Variants in LCTL observed in about 807,000 individuals in gnomAD.
The protein encoded by LCTL is lactase-like protein.
In LCTL, 76 loss-of-function variants were observed where a neutral mutation model predicts 75.8. That is an observed-to-expected ratio of 1.00 (90% confidence interval 0.83 to 1.21). The LOEUF is 1.21. LCTL is among the 50% of genes most tolerant of loss of function. The pLI is 0.00. For missense variants in LCTL, 670 were observed against 712.4 expected (o/e 0.94, Z 0.68); for synonymous variants, 271 against 268.8 (o/e 1.01, Z -0.08).
intron 10 of LCTL, 61 bp from the exon 12 acceptor site, chr15:66,551,922 AGAT>A: frequency 1.3e-6 from 2 of 1,528,226 alleles, no homozygotes; most frequent in Non-Finnish European, 1.8e-6. Flanking sequence ...ATAAAACTGA[AGAT>A]AATGTTAAAA....
intron 6 of LCTL, among the ~76,000 whole-genome samples, chr15:66,559,775 C>G (rs1401034580): frequency 6.6e-6 from 1 of 152,170 alleles, no homozygotes; most frequent in Non-Finnish European, 1.5e-5. Flanking sequence ...CAGAAAATGA[C>G]TTCCATGTTT....
rs961383230 is a variant in LCTL at position 66,551,573 on chromosome 15, A to C, written c.1524+89T>G. ...CCCCGTCCTCTTTCATGGAGGAAAG[A>C]GAAGAGAAACTTGCCAAGTTCTTTG... is the stretch of plus-strand genomic sequence containing the variant. On this transcript the variant is annotated intron_variant, in intron 11 of 12. Coordinates refer to ENST00000341509, the Ensembl canonical transcript of LCTL. 49 of 1,029,138 alleles carry C rather than the reference A, an allele frequency of 4.8e-5. No individual in the cohort carries two copies. The East Asian group carries it at 1.2e-3, about 24-fold the overall frequency. 63.8% of individuals were successfully genotyped at this position (1,029,138 alleles called of 1,614,324 possible). A position where few individuals can be genotyped will look rare whatever the true frequency, so the allele number is the denominator to read the frequency against.
intron 11 of LCTL, among the ~76,000 whole-genome samples, chr15:66,550,460 T>A (rs1039649545): frequency 1.4e-4 from 21 of 152,278 alleles, no homozygotes; most frequent in African/African-American, 5.1e-4. Flanking sequence ...CTTTTTAAAA[T>A]TATTTTTATT....
rs1225133092 is a variant in LCTL at position 66,548,573 on chromosome 15, C to A, written c.1621G>T (p.Glu541Ter). ...GAGCAGACAGTGGGTACCACGATCTCCGTAACCATTTGCATGTGACTTAGC... is the reference window on the plus strand; with the variant it reads ...GAGCAGACAGTGGGTACCACGATCTACGTAACCATTTGCATGTGACTTAGC... The change falls in exon 13 of 13, where the codon GAG becomes TAG. Residue 541 changes from glutamate to a stop codon, truncating the protein, a stop_gained. Transcript: ENST00000341509. LOFTEE classifies it low-confidence loss of function (END_TRUNC). 2 of 1,612,408 alleles carry A rather than the reference C, an allele frequency of 1.2e-6. No homozygotes were observed. Among genetic ancestry groups the A allele is most frequent in the South Asian group, 2.2e-5 (2 of 91,018 alleles).
exon 2 of LCTL, chr15:66,564,710 G>A (rs771200372): frequency 1.2e-6 from 2 of 1,613,232 alleles, no homozygotes; most frequent in Non-Finnish European, 1.7e-6. Flanking sequence ...GGCTACATCT[G>A]CCGTCTCATT....
intron 12 of LCTL, 106 bp from the exon 14 acceptor site, chr15:66,548,711 G>A: frequency 2.0e-6 from 1 of 495,128 alleles, no homozygotes; most frequent in East Asian, 3.0e-5. Flanking sequence ...TTAAAAAATA[G>A]CATCCTCAAA....
chr15:66,564,133 G>A (rs1895962678), intron 2 of LCTL, 135 bp from the exon 4 acceptor site: 3 of 661,210 alleles, frequency 4.5e-6, no homozygotes, highest in East Asian at 2.7e-5. Context: ...TTCCTCACCT[G>A]TACAACAGAG....
intron 4 of LCTL, among the ~76,000 whole-genome samples, chr15:66,561,584 C>T (rs955144146): frequency 7.2e-5 from 11 of 152,162 alleles, no homozygotes; most frequent in Admixed American, 3.9e-4. Context: ...ATTTTGAGGG[C>T]CACACAGATG....
At position 66,564,671 on chromosome 15, in the gene LCTL, C is replaced by A. The variant is rs753732906; in HGVS notation, c.282+5G>T. ...CACACACACACACTCACACCCCGCA[C>A]TCACCTGGACCTTGTAGTAGCCGTC... On this transcript the variant is annotated splice_donor_5th_base_variant and intron_variant, in intron 2 of 12. Coordinates refer to ENST00000341509, the Ensembl canonical transcript of LCTL. The A allele has an allele frequency of 3.1e-6, 5 of 1,610,978 alleles. No homozygotes were observed. Among genetic ancestry groups the A allele is most frequent in the Non-Finnish European group, 4.2e-6 (5 of 1,179,824 alleles).
At chr15:66,557,059 A>G (rs1895757826) in intron 8 of LCTL, among the ~76,000 whole-genome samples, 1 of 152,086 alleles carries the variant, frequency 6.6e-6, no homozygotes. Context: ...TGCTGCAGTC[A>G]TCTTGTGGCC....
At chr15:66,563,624 G>A (rs199913419) in exon 4 of LCTL, 60 of 1,594,144 alleles carry the variant, frequency 3.8e-5, no homozygotes, top group East Asian at 4.5e-5. Context: ...TCACCTGCTC[G>A]GCTGCAGGTG....
At chr15:66,551,467 T>C (rs1043070687) in intron 11 of LCTL, among the ~76,000 whole-genome samples, 195 bp downstream of exon 12, 4 of 152,062 alleles carry the variant, frequency 2.6e-5, no homozygotes, top group Non-Finnish European at 5.9e-5. Context: ...CCTCTGGTAG[T>C]GCCCTTAGAT....
chr15:66,549,833 G>A (rs1895531502), intron 12 of LCTL: 2 of 412,068 alleles, frequency 4.9e-6, no homozygotes, highest in Non-Finnish European at 8.7e-6. Context: ...GGATAAAATG[G>A]ATAAAATGTT....
intron 2 of LCTL, 84 bp downstream of exon 3, chr15:66,564,592 G>A (rs369170524): frequency 3.3e-5 from 48 of 1,466,312 alleles, no homozygotes; most frequent in South Asian, 7.7e-5. Flanking sequence ...TCCCCCAAAC[G>A]TCACTCCCTG....
Position 66,564,809 on chromosome 15 carries a change from T to A in LCTL, c.149A>T (p.Tyr50Phe), listed in dbSNP as rs1895983445. 2 of 1,613,018 alleles carry A rather than the reference T, an allele frequency of 1.2e-6. No individual in the cohort carries two copies. Among genetic ancestry groups the A allele is most frequent in the Non-Finnish European group, 1.7e-6 (2 of 1,179,932 alleles). Reference sequence around the variant, plus strand: ...CTGGTCCCAGGCGCCCTCCGTCTGGTAGGCAGAACTGCCCACGCCCCAGGA... The same window carrying A: ...CTGGTCCCAGGCGCCCTCCGTCTGGAAGGCAGAACTGCCCACGCCCCAGGA... Residue 50 changes from tyrosine to phenylalanine, a missense_variant, in exon 2 of 13, where the codon TAC (tyrosine) becomes TTC (phenylalanine). Coordinates refer to ENST00000341509, the Ensembl canonical transcript of LCTL.
At chr15:66,556,676 G>C (rs1332416932) in intron 8 of LCTL, among the ~76,000 whole-genome samples, 1 of 152,146 alleles carries the variant, frequency 6.6e-6, no homozygotes, top group African/African-American at 2.4e-5. Context: ...GAATCTTGAG[G>C]ACATTATGCT....
At chr15:66,555,449 G>T (rs1483831003) in intron 8 of LCTL, among the ~76,000 whole-genome samples, 1 of 152,018 alleles carries the variant, frequency 6.6e-6, no homozygotes, top group Non-Finnish European at 1.5e-5. Flanking sequence ...GCTGAGGCAG[G>T]AGAATCACTT....
chr15:66,562,530 G>A (rs892734399), intron 4 of LCTL, among the ~76,000 whole-genome samples: 2 of 152,084 alleles, frequency 1.3e-5, no homozygotes, highest in African/African-American at 4.8e-5. Context: ...TTGTGATACT[G>A]GCTCAAACAA....
exon 3 of LCTL, chr15:66,563,961 T>C: frequency 1.2e-6 from 2 of 1,614,056 alleles, no homozygotes; most frequent in Non-Finnish European, 1.7e-6. Flanking sequence ...GAATCGGTAG[T>C]GGTTGACGTG....
Sources: gnomAD v4.1 joint callset for allele counts (sites outside exome capture counted in the v4.1 genomes callset) on GRCh38, gnomAD v4.1.1 for gene constraint, MANE v1.5 for transcripts, NCBI Gene and HGNC (gene_info 2026-07-23, HGNC 2026-07-21) for gene names.